The following RASGRF1 variants were observed in gnomAD, a reference collection of about 807,000 sequenced individuals.
The protein encoded by RASGRF1 is ras-specific guanine nucleotide-releasing factor 1.
RASGRF1 carries 40 observed loss-of-function variants against 138.7 expected under a neutral mutation model. The ratio of observed to expected loss-of-function variants is 0.29; its 90% CI spans 0.22 to 0.38. RASGRF1 has a LOEUF of 0.38. Ranked by LOEUF, RASGRF1 falls within the 10% of genes least tolerant of loss-of-function variation. RASGRF1 has a pLI of 1.00. For missense variants in RASGRF1, 1,108 were observed against 1,650.4 expected, an observed-to-expected ratio of 0.67 and a Z score of 5.69; for synonymous variants, 614 against 663.2, an observed-to-expected ratio of 0.93 and a Z score of 1.14.
chr15:78,996,422 AGCCAGGGGTCT>A (rs546688296), intron 19 of RASGRF1, among the ~76,000 whole-genome samples: 6 of 152,178 alleles, frequency 3.9e-5, no homozygotes, highest in Non-Finnish European at 7.4e-5. Context: ...GCGTGGGGAC[AGCCAGGGGTCT>A]GCAGGCCTGC....
chr15:79,030,453 C>A (rs1199841484), intron 8 of RASGRF1, among the ~76,000 whole-genome samples: 3 of 152,174 alleles, frequency 2.0e-5, no homozygotes, highest in African/African-American at 7.2e-5. Flanking sequence ...CCAGTGCTGT[C>A]GCTTTAAACA....
chr15:78,967,950 C>T (rs2055675374), intron 26 of RASGRF1, among the ~76,000 whole-genome samples: 1 of 152,056 alleles, frequency 6.6e-6, no homozygotes, highest in Non-Finnish European at 1.5e-5. Context: ...GATGTACAGA[C>T]CAGATTCAAA....
At chr15:79,074,771 G>T (rs771269716) in intron 1 of RASGRF1, among the ~76,000 whole-genome samples, 17 of 152,328 alleles carry the variant, frequency 1.1e-4, no homozygotes, top group Non-Finnish European at 2.4e-4. Context: ...ACCCGATTTT[G>T]CTACAGAAGA....
chr15:79,049,598 C>A lies in RASGRF1; in HGVS notation c.532-10G>T, dbSNP rs193011391. The A allele has an allele frequency of 1.8e-4, 293 of 1,609,154 alleles. No homozygotes were observed. The African/African-American group carries it at 3.6e-3, about 20-fold the overall frequency. On this transcript the variant is annotated splice_polypyrimidine_tract_variant and intron_variant, in intron 3 of 26. Transcript: ENST00000558480. ...TGAGCAGGGATGTGATCTGCAACAG[C>A]AACACAGGTCAGCCTGTGAGGGGCG...
chr15:79,090,264 G>C lies in RASGRF1; in HGVS notation c.235C>G (p.Pro79Ala), dbSNP rs1348372472. The C allele has an allele frequency of 1.2e-6, 2 of 1,611,108 alleles. No individual in the cohort carries two copies. Among genetic ancestry groups the C allele is most frequent in the Admixed American group, 3.3e-5 (2 of 59,934 alleles). Residue 79 changes from proline (P) to alanine (A), a missense_variant, in exon 1 of 27, where the codon CCC becomes GCC. Pro to Ala is a conservative substitution (Grantham distance 27). Transcript: ENST00000558480. ...TCCTTGGCCGACAGCGCCGGCTTGG[G>C]GGAGGGCGCGCGGTCGCAGACGCAG... ...EGCVCDRAPS[P>A]KPALSAKEPL...
chr15:79,035,580 C>G (rs914719109), intron 5 of RASGRF1, among the ~76,000 whole-genome samples: 1 of 152,236 alleles, frequency 6.6e-6, no homozygotes, highest in Non-Finnish European at 1.5e-5. Context: ...ACCCCCTCCC[C>G]CAAGGTATCT....
At chr15:78,970,423 C>T (rs1021056486) in intron 26 of RASGRF1, among the ~76,000 whole-genome samples, 2 of 151,650 alleles carry the variant, frequency 1.3e-5, no homozygotes, top group African/African-American at 4.8e-5. Flanking sequence ...CATGGCCTTG[C>T]AATCTTTCAA....
In RASGRF1 at chr15:79,004,069, A is replaced by G. The variant is rs1450062827; in HGVS notation, c.2182T>C (p.Ser728Pro). 1 of 1,613,966 alleles carries G rather than the reference A, an allele frequency of 6.2e-7. No individual in the cohort carries two copies. The highest frequency in any genetic ancestry group is 8.5e-7 in the Non-Finnish European group (1 of 1,179,972). ...CTCGGTGACGATGTCTTGGTGATGG[A>G]CAGAGGTGGCGGCGAGGAGAACTTG... ...TRKFSSPPPL[S>P]ITKTSSPSRR... is the part of the protein sequence containing the mutation. The change falls in exon 15 of 27, where the codon TCC (serine) becomes CCC (proline). Residue 728 changes from serine to proline, a missense_variant. By Grantham distance (74) the Ser-to-Pro change is moderately conservative. Around this residue, in one of 3 missense-constraint regions of RASGRF1, gnomAD observed 686 missense variants for 976.7 expected, o/e 0.70. Coordinates refer to ENST00000558480, the MANE Select transcript of RASGRF1 (RefSeq NM_001145648.3).
intron 6 of RASGRF1, 27 bp downstream of exon 6, chr15:79,035,104 G>A: frequency 1.3e-6 from 2 of 1,590,544 alleles, no homozygotes; most frequent in Non-Finnish European, 8.6e-7. Context: ...ACTTCTCTGG[G>A]GGCCGCAGTG....
rs370707106 is a variant in RASGRF1 at position 79,027,443 on chromosome 15, T to A, written c.1381+298A>T. Among the ~76,000 whole-genome samples, 1 of 152,210 alleles carries A rather than the reference T, an allele frequency of 6.6e-6. No individual in the cohort carries two copies. Among genetic ancestry groups the A allele is most frequent in the Non-Finnish European group, 1.5e-5 (1 of 68,034 alleles). ...CCATACTTTCTCCCCAAAAAGGACA[T>A]GTCGATGTTTACTATGACATACAAT... On this transcript the variant is annotated intron_variant, in intron 9 of 26. Coordinates refer to ENST00000558480, the MANE Select transcript of RASGRF1 (RefSeq NM_001145648.3). The surrounding 1 kb of genome is among the most constrained non-coding windows in gnomAD (Gnocchi z 4.8).
chr15:78,990,310 G>A lies in RASGRF1; in HGVS notation c.3132-37C>T, dbSNP rs371845084. On this transcript the variant is annotated intron_variant, in intron 21 of 26. Coordinates refer to ENST00000558480, the MANE Select transcript of RASGRF1 (RefSeq NM_001145648.3). ...AAGGGGAGACCCAGGTGGAGGGGGTGAGGTTTGCCTTGCTGATTTCATTGC... is the reference window on the plus strand; with the variant it reads ...AAGGGGAGACCCAGGTGGAGGGGGTAAGGTTTGCCTTGCTGATTTCATTGC... 59 of 1,416,724 alleles carry A rather than the reference G, an allele frequency of 4.2e-5. No individual in the cohort carries two copies. The East Asian group carries it at 5.7e-4, about 14-fold the overall frequency. The allele number at this position is 1,416,724 out of a possible 1,614,324, so 87.8% of individuals were successfully genotyped here.
In RASGRF1 at chr15:79,046,669, A is replaced by T; in HGVS notation, c.878+77T>A. On this transcript the variant is annotated intron_variant, in intron 5 of 26. Coordinates refer to ENST00000558480, the MANE Select transcript of RASGRF1 (RefSeq NM_001145648.3). This position sits in a 1 kb window ranked among gnomAD's most constrained non-coding sequence, Gnocchi z 5.3. The stretch of plus-strand genomic sequence containing the variant: ...CTGCACTCGGTGGGAACCACGTGAG[A>T]GAGTGTGTCAAAGCTTAGCTGCGGC... 2 of 1,581,302 alleles carry T rather than the reference A, an allele frequency of 1.3e-6. No individual in the cohort carries two copies. Among genetic ancestry groups the T allele is most frequent in the Non-Finnish European group, 1.7e-6 (2 of 1,158,098 alleles).
At chr15:79,019,907 G>A (rs2056934970) in intron 11 of RASGRF1, 134 bp downstream of exon 11, 2 of 1,027,308 alleles carry the variant, frequency 1.9e-6, no homozygotes, top group Admixed American at 3.9e-5. Flanking sequence ...ATGAGGGCAT[G>A]TGTGGACCTC....
At chr15:79,010,480 T>C (rs1238967892) in intron 13 of RASGRF1, among the ~76,000 whole-genome samples, 5 of 152,232 alleles carry the variant, frequency 3.3e-5, no homozygotes, top group Non-Finnish European at 7.3e-5. Flanking sequence ...TGTGATCCAT[T>C]AGCAATGTCT....
chr15:79,023,183 A>G (rs1005705168), intron 10 of RASGRF1, among the ~76,000 whole-genome samples: 12 of 151,992 alleles, frequency 7.9e-5, no homozygotes, highest in African/African-American at 2.9e-4. Flanking sequence ...TGGGGAAAAA[A>G]AAAAAAAGCA....
At chr15:79,005,465 G>A in intron 14 of RASGRF1, 4 of 985,432 alleles carry the variant, frequency 4.1e-6, no homozygotes, top group Non-Finnish European at 4.8e-6. Context: ...ATCTGGGTAG[G>A]TGGCCTCTCG....
chr15:78,992,201 C>T (rs952249564), intron 20 of RASGRF1, among the ~76,000 whole-genome samples: 3 of 152,230 alleles, frequency 2.0e-5, no homozygotes, highest in Non-Finnish European at 2.9e-5. Flanking sequence ...CTTCAGCGTC[C>T]GCCTGAGCCC....
At chr15:78,974,746 T>C (rs1338943730) in intron 24 of RASGRF1, among the ~76,000 whole-genome samples, 1 of 152,226 alleles carries the variant, frequency 6.6e-6, no homozygotes, top group Non-Finnish European at 1.5e-5. Flanking sequence ...GCAACAGGTG[T>C]CAGAATCAGA....
intron 22 of RASGRF1, among the ~76,000 whole-genome samples, chr15:78,989,635 G>A (rs775311777): frequency 3.3e-5 from 5 of 152,160 alleles, no homozygotes; most frequent in Non-Finnish European, 5.9e-5. Flanking sequence ...GAGGGGCAGC[G>A]AGTGGGACAT....
Sources: gnomAD v4.1 joint callset for allele counts (sites outside exome capture counted in the v4.1 genomes callset) on GRCh38, gnomAD v4.1.1 for gene constraint, gnomAD v4.1.1 regional missense constraint, Gnocchi (gnomAD v3.1) non-coding constraint, MANE v1.5 for transcripts, NCBI Gene and HGNC (gene_info 2026-07-23, HGNC 2026-07-21) for gene names.